Variants in CDYL2 observed in about 807,000 individuals in gnomAD.
CDYL2 encodes the protein chromodomain Y-like protein 2.
In CDYL2, 23 loss-of-function variants were observed where a neutral mutation model predicts 49.4. The observed-to-expected ratio is 0.47, with a 90% confidence interval of 0.34 to 0.66. CDYL2 has a LOEUF of 0.66. Among genes scored for constraint, CDYL2 ranks in the 30% least tolerant of loss-of-function variants. CDYL2 has a pLI of 0.01. For missense variants in CDYL2, 678 were observed against 656.4 expected (o/e 1.03, Z -0.36); for synonymous variants, 360 against 268.8 (o/e 1.34, Z -3.32).
chr16:80,743,248 C>T (rs1382156876), intron 1 of CDYL2, among the ~76,000 whole-genome samples: 2 of 152,172 alleles, frequency 1.3e-5, no homozygotes, highest in Non-Finnish European at 2.9e-5. Context: ...ACTTCTGCTC[C>T]CAGAAGTAAA....
intron 4 of CDYL2, among the ~76,000 whole-genome samples, chr16:80,615,952 T>A (rs1292226056): frequency 6.6e-6 from 1 of 152,218 alleles, no homozygotes; most frequent in Admixed American, 6.5e-5. Context: ...GCAGCTCCGA[T>A]ATCTGATCCT....
intron 1 of CDYL2, among the ~76,000 whole-genome samples, chr16:80,713,966 A>G (rs1904708631): frequency 6.6e-6 from 1 of 152,184 alleles, no homozygotes; most frequent in Non-Finnish European, 1.5e-5. Context: ...CAGACGGGTC[A>G]GCTGCCAGCC....
chr16:80,649,303 C>T (rs753627850), intron 2 of CDYL2, among the ~76,000 whole-genome samples: 12 of 152,022 alleles, frequency 7.9e-5, no homozygotes, highest in Non-Finnish European at 1.8e-4. Flanking sequence ...AGATACAAGA[C>T]CAACACACAA....
In CDYL2 at chr16:80,599,990, CA is replaced by C. The variant is rs1173480657; in HGVS notation, c.*4397del. On this transcript the variant is annotated 3_prime_UTR_variant, in exon 7 of 7. Coordinates refer to ENST00000570137, the MANE Select transcript of CDYL2 (RefSeq NM_152342.4). ...CATGGCTTACGTTGCATGGAGGAAA[CA>C]ACCCGTATTACCCTTTTTAAATTTT... 4 of 152,186 alleles carry C rather than the reference CA, an allele frequency of 2.6e-5. No individual in the cohort carries two copies. Among genetic ancestry groups the C allele is most frequent in the Non-Finnish European group, 4.4e-5 (3 of 68,038 alleles). 9.4% of individuals were successfully genotyped at this position (152,186 alleles called of 1,614,324 possible).
chr16:80,696,485 G>C (rs959456117), intron 1 of CDYL2, among the ~76,000 whole-genome samples: 2 of 151,712 alleles, frequency 1.3e-5, no homozygotes, highest in Non-Finnish European at 2.9e-5. Flanking sequence ...GTAAAAAATA[G>C]AGAAGACACA....
At chr16:80,656,870 A>G (rs989635847) in intron 2 of CDYL2, among the ~76,000 whole-genome samples, 2 of 152,182 alleles carry the variant, frequency 1.3e-5, no homozygotes, top group African/African-American at 4.8e-5. Flanking sequence ...CTTCCCTGCA[A>G]GATGGGAGGG....
In CDYL2 at chr16:80,603,229, A is replaced by C. The variant is rs1428813021; in HGVS notation, c.*1159T>G. The C allele has an allele frequency of 2.6e-5, 4 of 152,238 alleles. No homozygotes were observed. The highest frequency in any genetic ancestry group is 5.9e-5 in the Non-Finnish European group (4 of 68,064). The allele number at this position is 152,238 out of a possible 1,614,324, so 9.4% of individuals were successfully genotyped here. On this transcript the variant is annotated 3_prime_UTR_variant, in exon 7 of 7. Coordinates refer to ENST00000570137, the MANE Select transcript of CDYL2 (RefSeq NM_152342.4). ...ATGGAAGCAACAGACTGCAGGATCC[A>C]AGTTCAGTCATTTGCCCCAAAGAAA...
chr16:80,677,294 C>G (rs1450433165), intron 2 of CDYL2, among the ~76,000 whole-genome samples: 1 of 152,054 alleles, frequency 6.6e-6, no homozygotes, highest in East Asian at 1.9e-4. Context: ...AGTTATTTCT[C>G]TCTTCAGGCT....
At chr16:80,754,048 G>A (rs1906226200) in intron 1 of CDYL2, among the ~76,000 whole-genome samples, 1 of 152,188 alleles carries the variant, frequency 6.6e-6, no homozygotes, top group Non-Finnish European at 1.5e-5. Context: ...AACATTCTAT[G>A]CATCATCTTA....
chr16:80,717,055 T>G (rs141073697), intron 1 of CDYL2, among the ~76,000 whole-genome samples: 3 of 147,608 alleles, frequency 2.0e-5, no homozygotes, highest in Admixed American at 1.3e-4. Context: ...GATGGATGGA[T>G]AGATGGATGA....
chr16:80,674,408 C>G (rs1909656976), intron 2 of CDYL2, among the ~76,000 whole-genome samples: 1 of 147,996 alleles, frequency 6.8e-6, no homozygotes, highest in South Asian at 2.2e-4. Context: ...ATCCTACTTG[C>G]TAGCTTCTTT....
At chr16:80,801,990 T>C (rs1410360761) in intron 1 of CDYL2, among the ~76,000 whole-genome samples, 1 of 152,194 alleles carries the variant, frequency 6.6e-6, no homozygotes, top group African/African-American at 2.4e-5. Flanking sequence ...CCATTTTCCA[T>C]CTAGTACAAT....
intron 1 of CDYL2, among the ~76,000 whole-genome samples, chr16:80,692,754 A>C (rs901898190): frequency 6.6e-6 from 1 of 152,224 alleles, no homozygotes; most frequent in Non-Finnish European, 1.5e-5. Context: ...GAAATGGTCA[A>C]ACATGAAGAA....
At chr16:80,639,084 G>A (rs577748722) in intron 2 of CDYL2, among the ~76,000 whole-genome samples, 1 of 152,300 alleles carries the variant, frequency 6.6e-6, no homozygotes, top group South Asian at 2.1e-4. Flanking sequence ...CAGATGACAA[G>A]CATATTGAAA....
intron 1 of CDYL2, among the ~76,000 whole-genome samples, chr16:80,727,797 C>T (rs886742867): frequency 6.6e-6 from 1 of 152,208 alleles, no homozygotes; most frequent in African/African-American, 2.4e-5. Flanking sequence ...GACCCCTAAC[C>T]CCCGAGCAGC....
intron 1 of CDYL2, among the ~76,000 whole-genome samples, chr16:80,787,628 G>A (rs1382003685): frequency 6.6e-6 from 1 of 152,068 alleles, no homozygotes; most frequent in South Asian, 2.1e-4. Context: ...TCCTCTGTGT[G>A]TGTGTATTAT....
At position 80,795,526 on chromosome 16, in the gene CDYL2, C is replaced by G. The variant is rs546327937; in HGVS notation, c.24+8624G>C. Among the ~76,000 whole-genome samples the G allele has an allele frequency of 2.6e-5, 4 of 152,222 alleles. No homozygotes were observed. The East Asian group carries it at 7.7e-4, about 29-fold the overall frequency. ...AGCAGCTTCTACTCGCTGGCTAAGG[C>G]TAACTGCACAACACAGAAGCATGAC... On this transcript the variant is annotated intron_variant, in intron 1 of 6. Coordinates refer to ENST00000570137, the MANE Select transcript of CDYL2 (RefSeq NM_152342.4).
intron 2 of CDYL2, among the ~76,000 whole-genome samples, chr16:80,633,458 A>C (rs1438304194): frequency 2.0e-5 from 3 of 152,142 alleles, no homozygotes; most frequent in Admixed American, 2.0e-4. Flanking sequence ...GCTCTTTGTG[A>C]AGGCCCTGTG....
At chr16:80,689,928 C>T (rs773120573) in intron 1 of CDYL2, among the ~76,000 whole-genome samples, 1 of 152,020 alleles carries the variant, frequency 6.6e-6, no homozygotes, top group Non-Finnish European at 1.5e-5. Context: ...CGAAACCAGC[C>T]TGGCCAACAT....
Sources: allele counts gnomAD v4.1 joint callset (sites outside exome capture counted in the v4.1 genomes callset), GRCh38; gene constraint gnomAD v4.1.1; transcripts MANE v1.5; gene names NCBI Gene and HGNC (gene_info 2026-07-23, HGNC 2026-07-21).